Variants in MARCHF3 observed in about 807,000 individuals in gnomAD.
The protein encoded by MARCHF3 is membrane associated ring-CH-type finger 3.
MARCHF3 carries 13 observed loss-of-function variants against 24.2 expected under a neutral mutation model. The observed-to-expected ratio is 0.54, with a 90% CI of 0.35 to 0.85. The LOEUF (loss-of-function observed/expected upper bound fraction) is 0.85, where lower values mean the gene tolerates loss of function less well. MARCHF3 is among the 40% of genes least tolerant of loss of function. The pLI is 0.01. For synonymous variants in MARCHF3, 144 were observed against 137.3 expected, an observed-to-expected ratio of 1.05 and a Z score of -0.34; for missense variants, 276 against 325.0, an observed-to-expected ratio of 0.85 and a Z score of 1.16.
At chr5:126,929,451 G>A (rs1350853160) in intron 1 of MARCHF3, among the ~76,000 whole-genome samples, 2 of 152,160 alleles carry the variant, frequency 1.3e-5, no homozygotes, top group East Asian at 3.8e-4. Context: ...ACAGTTGCCT[G>A]AATCAATTAT....
intron 1 of MARCHF3, among the ~76,000 whole-genome samples, chr5:126,977,728 G>T (rs1751250040): frequency 6.6e-6 from 1 of 152,180 alleles, no homozygotes; most frequent in Non-Finnish European, 1.5e-5. Flanking sequence ...AAAAGAAAAA[G>T]AAATAAGGTA....
chr5:126,989,307 G>GTACTACTAC (rs147682825), intron 1 of MARCHF3, among the ~76,000 whole-genome samples: 42 of 149,306 alleles, frequency 2.8e-4, no homozygotes, highest in African/African-American at 9.6e-4. Flanking sequence ...ACTACTACTA[G>GTACTACTAC]TACTACTACT....
chr5:126,959,507 A>T (rs958337249), intron 1 of MARCHF3, among the ~76,000 whole-genome samples: 2 of 152,162 alleles, frequency 1.3e-5, no homozygotes, highest in Non-Finnish European at 2.9e-5. Context: ...GGATCCTGAA[A>T]CACAAAAAGA....
At chr5:126,983,289 G>A (rs2126837403) in intron 1 of MARCHF3, among the ~76,000 whole-genome samples, 1 of 152,304 alleles carries the variant, frequency 6.6e-6, no homozygotes. Context: ...GGCTCCAGGA[G>A]GGCAGGGAAG....
Position 127,021,486 on chromosome 5 carries a change from G to A in MARCHF3, c.-57+8864C>T, listed in dbSNP as rs535900767. 5.3e-5 allele frequency among the ~76,000 whole-genome samples: 8 copies of A among 152,276 alleles called. No homozygotes were observed. The South Asian group carries it at 1.5e-3, about 28-fold the overall frequency. Reference sequence around the variant, plus strand: ...ATACAGTATTTGAGAAGCATTACTTGGAAAATGGGGTGAACATTATAACTG... The same window carrying A: ...ATACAGTATTTGAGAAGCATTACTTAGAAAATGGGGTGAACATTATAACTG... On this transcript the variant is annotated intron_variant, in intron 1 of 4. Coordinates refer to ENST00000308660, the MANE Select transcript of MARCHF3 (RefSeq NM_178450.5).
At chr5:126,942,037 T>A (rs1024422718) in intron 1 of MARCHF3, among the ~76,000 whole-genome samples, 1 of 152,184 alleles carries the variant, frequency 6.6e-6, no homozygotes, top group Non-Finnish European at 1.5e-5. Context: ...ATCACAGCTA[T>A]CTTAAGAGAC....
chr5:127,020,749 G>A (rs1752775912), intron 1 of MARCHF3, among the ~76,000 whole-genome samples: 1 of 152,104 alleles, frequency 6.6e-6, no homozygotes, highest in African/African-American at 2.4e-5. Flanking sequence ...TACTCGGGAA[G>A]CTATGGTGGG....
intron 1 of MARCHF3, among the ~76,000 whole-genome samples, chr5:127,018,783 A>C (rs115878075): frequency 0.01 from 1,529 of 152,342 alleles, 18 homozygotes; most frequent in African/African-American, 0.035. Flanking sequence ...TTCCAAGCAA[A>C]GGGAAACCAT....
intron 1 of MARCHF3, among the ~76,000 whole-genome samples, chr5:126,944,530 C>T (rs1441450122): frequency 6.6e-6 from 1 of 152,176 alleles, no homozygotes; most frequent in Admixed American, 6.5e-5. Flanking sequence ...CTGCAGTAAG[C>T]CCTGATATGC....
At chr5:127,024,169 T>G (rs1443547955) in intron 1 of MARCHF3, among the ~76,000 whole-genome samples, 1 of 152,062 alleles carries the variant, frequency 6.6e-6, no homozygotes, top group Non-Finnish European at 1.5e-5. Flanking sequence ...AGAGGGACTT[T>G]GGAGATGGAT....
intron 1 of MARCHF3, 37 bp from the exon 2 acceptor site, chr5:126,918,264 T>C (rs1270145990): frequency 2.2e-6 from 3 of 1,360,540 alleles, no homozygotes; most frequent in African/African-American, 1.5e-5. Context: ...TTGGGCAGGG[T>C]GGCTAATAGA....
rs906697801 is a variant in MARCHF3 at position 126,907,164 on chromosome 5, T to C, written c.393+7766A>G. On this transcript the variant is annotated intron_variant, in intron 3 of 4. Transcript: ENST00000308660. ...TCTTAACCCTGAGTTCTAGTTTGATTGCACTGTGGTCTGAGAGACAGTTTG... is the reference window on the plus strand; with the variant it reads ...TCTTAACCCTGAGTTCTAGTTTGATCGCACTGTGGTCTGAGAGACAGTTTG... Among the ~76,000 whole-genome samples the C allele has an allele frequency of 4.6e-4, 69 of 151,056 alleles. 2 individuals are homozygous for C. The highest frequency in any genetic ancestry group is 1.4e-3 in the African/African-American group (58 of 40,960).
In MARCHF3 at chr5:126,870,492, G is replaced by A; in HGVS notation, c.*141C>T. 1 of 650,766 alleles carries A rather than the reference G, an allele frequency of 1.5e-6. No individual in the cohort carries two copies. The highest frequency in any genetic ancestry group is 2.7e-6 in the Non-Finnish European group (1 of 376,970). 40.3% of individuals were successfully genotyped at this position (650,766 alleles called of 1,614,324 possible). A position where few individuals can be genotyped will look rare whatever the true frequency, so the allele number is the denominator to read the frequency against. ...TTCTTCTGGCGGAGGTTGTTGCTTG[G>A]AGTGATGTGCTAATATGCTCTGGAT... On this transcript the variant is annotated 3_prime_UTR_variant, in exon 5 of 5. Transcript: ENST00000308660.
intron 1 of MARCHF3, among the ~76,000 whole-genome samples, chr5:126,986,418 G>C (rs1230331616): frequency 6.6e-6 from 1 of 152,142 alleles, no homozygotes. Flanking sequence ...ATCTAATTTA[G>C]ACAAAGTATT....
chr5:127,025,376 C>A (rs2126866641), intron 1 of MARCHF3, among the ~76,000 whole-genome samples: 1 of 150,380 alleles, frequency 6.6e-6, no homozygotes, highest in East Asian at 1.9e-4. Flanking sequence ...TTATTTAAAG[C>A]AAGCAGGGTG....
intron 4 of MARCHF3, among the ~76,000 whole-genome samples, chr5:126,876,554 T>C (rs965577255): frequency 6.6e-5 from 10 of 152,176 alleles, no homozygotes; most frequent in African/African-American, 1.7e-4. Flanking sequence ...CTTAGACTCC[T>C]TCATTTCTTA....
intron 1 of MARCHF3, among the ~76,000 whole-genome samples, chr5:127,023,777 T>TA (rs1246237451): frequency 7.1e-6 from 1 of 140,600 alleles, no homozygotes; most frequent in African/African-American, 2.7e-5. Context: ...AATAAATAAA[T>TA]AAAAATAAAA....
intron 1 of MARCHF3, among the ~76,000 whole-genome samples, chr5:126,965,635 C>A (rs73786241): frequency 0.052 from 7,854 of 151,806 alleles, 375 homozygotes; most frequent in South Asian, 0.14. Context: ...GAAGGTTTAC[C>A]TAAGTACAAG....
At chr5:126,930,374 C>A (rs1235372481) in intron 1 of MARCHF3, among the ~76,000 whole-genome samples, 2 of 152,110 alleles carry the variant, frequency 1.3e-5, no homozygotes, top group African/African-American at 4.8e-5. Context: ...AATTCTAAAC[C>A]ATTATCTTCT....
Sources: gnomAD v4.1 joint callset for allele counts (sites outside exome capture counted in the v4.1 genomes callset) on GRCh38, gnomAD v4.1.1 for gene constraint, MANE v1.5 for transcripts, NCBI Gene and HGNC (gene_info 2026-07-23, HGNC 2026-07-21) for gene names.